ATP10B: variants seen among roughly 807,000 people sequenced by gnomAD.
The protein encoded by ATP10B is ATPase phospholipid transporting 10B (putative).
In ATP10B, 122 loss-of-function variants were observed where a neutral mutation model predicts 141.2. The ratio of observed to expected loss-of-function variants is 0.86; its 90% CI spans 0.75 to 1.00. The LOEUF (loss-of-function observed/expected upper bound fraction) is 1.00, where lower values mean the gene tolerates loss of function less well. Among genes scored for constraint, ATP10B ranks in the 50% least tolerant of loss-of-function variants. ATP10B has a pLI of 0.00. For synonymous variants in ATP10B, 685 were observed against 692.0 expected (o/e 0.99, Z 0.16); for missense variants, 1,876 against 1,825.3 (o/e 1.03, Z -0.51).
chr5:160,762,892 C>A (rs1409880246), intron 2 of ATP10B, among the ~76,000 whole-genome samples: 1 of 151,662 alleles, frequency 6.6e-6, no homozygotes, highest in East Asian at 1.9e-4. Context: ...AAATGGACAC[C>A]AAAAGCAAGT....
At chr5:160,648,360 G>A (rs1319909981) in intron 8 of ATP10B, among the ~76,000 whole-genome samples, 1 of 152,140 alleles carries the variant, frequency 6.6e-6, no homozygotes, top group Non-Finnish European at 1.5e-5. Context: ...GCTATTGTTA[G>A]GGTTAGTGTA....
intron 3 of ATP10B, among the ~76,000 whole-genome samples, chr5:160,699,437 A>C (rs1012904909): frequency 2.0e-5 from 3 of 152,232 alleles, no homozygotes; most frequent in African/African-American, 7.2e-5. Flanking sequence ...AAGCAATTAA[A>C]AGACAATAGT....
intron 22 of ATP10B, among the ~76,000 whole-genome samples, chr5:160,592,934 A>C (rs1756423078): frequency 1.3e-5 from 2 of 152,322 alleles, no homozygotes; most frequent in African/African-American, 4.8e-5. Flanking sequence ...GGTGGAGCCC[A>C]CCACAGCTCA....
intron 25 of ATP10B, among the ~76,000 whole-genome samples, chr5:160,568,419 G>A (rs952696633): frequency 6.6e-6 from 1 of 152,166 alleles, no homozygotes; most frequent in Non-Finnish European, 1.5e-5. Flanking sequence ...CTGTTGATAG[G>A]TCTCTAATTT....
intron 2 of ATP10B, among the ~76,000 whole-genome samples, chr5:160,763,400 C>A (rs1203180408): frequency 3.3e-5 from 5 of 152,026 alleles, no homozygotes; most frequent in African/African-American, 1.2e-4. Context: ...AAAATTAACT[C>A]CAAGACGAAC....
At chr5:160,882,065 A>T in the ATP10B span, among the ~76,000 whole-genome samples, 1 of 152,330 alleles carries the variant, frequency 6.6e-6, no homozygotes, top group African/African-American at 2.4e-5. Context: ...TCTGGAGACA[A>T]TAAAATATCA....
At chr5:160,776,970 G>A (rs927792734) in intron 2 of ATP10B, among the ~76,000 whole-genome samples, 2 of 152,144 alleles carry the variant, frequency 1.3e-5, no homozygotes, top group African/African-American at 2.4e-5. Context: ...ACACTTTTGG[G>A]GAGCTGAGTG....
chr5:160,871,482 A>G, the ATP10B span, among the ~76,000 whole-genome samples: 4 of 152,048 alleles, frequency 2.6e-5, no homozygotes, highest in Non-Finnish European at 4.4e-5. Flanking sequence ...GTATATATAC[A>G]CTGCACCATA....
At chr5:160,655,015 A>G (rs986196637) in intron 7 of ATP10B, among the ~76,000 whole-genome samples, 4 of 152,226 alleles carry the variant, frequency 2.6e-5, no homozygotes, top group Non-Finnish European at 5.9e-5. Flanking sequence ...ATTTGGATGC[A>G]CAGAGGAAAG....
At chr5:160,609,803 C>A (rs1325241958) in intron 18 of ATP10B, among the ~76,000 whole-genome samples, 1 of 152,184 alleles carries the variant, frequency 6.6e-6, no homozygotes, top group Admixed American at 6.5e-5. Context: ...CCACAGGAAG[C>A]AGTTCTAGGA....
chr5:160,687,375 A>G (rs547594102), intron 5 of ATP10B, among the ~76,000 whole-genome samples: 37 of 152,226 alleles, frequency 2.4e-4, no homozygotes, highest in African/African-American at 8.7e-4. Flanking sequence ...GAATGAAAAA[A>G]CTTCTTAAGA....
intron 18 of ATP10B, among the ~76,000 whole-genome samples, chr5:160,608,036 G>A (rs923840503): frequency 5.9e-5 from 9 of 152,200 alleles, no homozygotes; most frequent in South Asian, 2.1e-4. Context: ...CCATTAACTC[G>A]TCATTTACAT....
chr5:160,820,730 G>C (rs902558467), intron 1 of ATP10B, among the ~76,000 whole-genome samples: 1 of 152,090 alleles, frequency 6.6e-6, no homozygotes, highest in Non-Finnish European at 1.5e-5. Context: ...TGCAAGGATG[G>C]TTCAACATAT....
At chr5:160,701,524 CT>C (rs2127761225) in intron 3 of ATP10B, among the ~76,000 whole-genome samples, 1 of 152,288 alleles carries the variant, frequency 6.6e-6, no homozygotes, top group South Asian at 2.1e-4. Context: ...TAGTGAACCT[CT>C]GTACAAGTCT....
At position 160,810,830 on chromosome 5, in the gene ATP10B, T is replaced by A. The variant is rs1294135092; in HGVS notation, c.-575-25027A>T. 3.3e-5 allele frequency among the ~76,000 whole-genome samples: 5 copies of A among 152,224 alleles called. No individual in the cohort carries two copies. The East Asian group carries it at 9.6e-4, about 29-fold the overall frequency. ...CAATAATATTGCTTTAGTGTCTTTT[T>A]CATGTGATGTTGATCTTGCTTGCTA... On this transcript the variant is annotated intron_variant, in intron 1 of 25. Coordinates refer to ENST00000327245, the MANE Select transcript of ATP10B (RefSeq NM_025153.3).
chr5:160,724,187 G>A (rs1397557763), intron 2 of ATP10B, among the ~76,000 whole-genome samples: 14 of 151,674 alleles, frequency 9.2e-5, no homozygotes, highest in Non-Finnish European at 1.5e-4. Flanking sequence ...CTTAGTACAT[G>A]GGTAATGAAA....
chr5:160,812,008 C>T (rs1427945468), intron 1 of ATP10B, among the ~76,000 whole-genome samples: 2 of 67,380 alleles, frequency 3.0e-5, no homozygotes, highest in Middle Eastern at 7.4e-3. Flanking sequence ...GAGACAGAGA[C>T]AGAGACAGAG....
intron 1 of ATP10B, among the ~76,000 whole-genome samples, chr5:160,799,565 G>A (rs1401057923): frequency 6.6e-6 from 1 of 152,146 alleles, no homozygotes; most frequent in Non-Finnish European, 1.5e-5. Flanking sequence ...TTGAGGGCGA[G>A]AGAGCATGTT....
chr5:160,743,916 A>G lies in ATP10B; in HGVS notation c.-330-26882T>C, dbSNP rs1026150736. On this transcript the variant is annotated intron_variant, in intron 2 of 25. Transcript: ENST00000327245. ...TGGGCAGAAGCCAGCAATGCTTCTAATCATCCTATAATACCCAGGGCAAGC... is the reference window on the plus strand; with the variant it reads ...TGGGCAGAAGCCAGCAATGCTTCTAGTCATCCTATAATACCCAGGGCAAGC... Among the ~76,000 whole-genome samples the G allele has an allele frequency of 5.3e-5, 8 of 152,242 alleles. No homozygotes were observed. The East Asian group carries it at 5.8e-4, about 11-fold the overall frequency.
Sources: gnomAD v4.1 joint callset for allele counts (sites outside exome capture counted in the v4.1 genomes callset) on GRCh38, gnomAD v4.1.1 for gene constraint, MANE v1.5 for transcripts, NCBI Gene and HGNC (gene_info 2026-07-23, HGNC 2026-07-21) for gene names.